The following MGAT4C variants were observed in gnomAD, a reference collection of about 807,000 sequenced individuals.
The protein encoded by MGAT4C is alpha-1,3-mannosyl-glycoprotein 4-beta-N-acetylglucosaminyltransferase C.
Under a neutral mutation model 40.1 loss-of-function variants are expected in MGAT4C, and 19 were observed. The observed-to-expected ratio is 0.47, with a 90% CI of 0.33 to 0.70. MGAT4C has a LOEUF of 0.70. MGAT4C is among the 30% of genes least tolerant of loss of function. The probability of loss-of-function intolerance (pLI) is 0.02; values close to 1 mark genes in which losing one functional copy is unlikely to be tolerated. For synonymous variants in MGAT4C, 181 were observed against 187.1 expected, an observed-to-expected ratio of 0.97 and a Z score of 0.27; for missense variants, 491 against 563.2, an observed-to-expected ratio of 0.87 and a Z score of 1.30.
intron 3 of MGAT4C, among the ~76,000 whole-genome samples, chr12:86,394,616 T>TTATA (rs71076194): frequency 0.036 from 4,858 of 135,344 alleles, 144 homozygotes; most frequent in Middle Eastern, 0.13. Context: ...TATATATACT[T>TTATA]TATATATATA....
intron 2 of MGAT4C, among the ~76,000 whole-genome samples, chr12:86,663,443 G>A (rs1439387281): frequency 6.6e-6 from 1 of 151,026 alleles, no homozygotes; most frequent in African/African-American, 2.4e-5. Context: ...ATGAAGGGGA[G>A]ATGGTAACTC....
intron 2 of MGAT4C, among the ~76,000 whole-genome samples, chr12:86,493,715 T>C: frequency 6.6e-6 from 1 of 151,986 alleles, no homozygotes; most frequent in Non-Finnish European, 1.5e-5. Flanking sequence ...AGTTAATGGA[T>C]GCAGCACACC....
rs1884240972 is a variant in MGAT4C, at chr12:85,979,157, A to C, written c.*132T>G. The C allele has an allele frequency of 2.1e-5, 14 of 677,560 alleles. No individual in the cohort carries two copies. The South Asian group carries it at 3.0e-4, about 15-fold the overall frequency. 42.0% of individuals were successfully genotyped at this position (677,560 alleles called of 1,614,324 possible). A position where few individuals can be genotyped will look rare whatever the true frequency, so the allele number is the denominator to read the frequency against. Reference sequence around the variant, plus strand: ...AGTAAAATTATGTCAACAATGTATAAATGAAAACTGCCAATGTAATTAATG... The same window carrying C: ...AGTAAAATTATGTCAACAATGTATACATGAAAACTGCCAATGTAATTAATG... On this transcript the variant is annotated 3_prime_UTR_variant, in exon 5 of 5. Coordinates refer to ENST00000611864, the MANE Select transcript of MGAT4C (RefSeq NM_001351288.2).
At chr12:86,750,131 A>C (rs1341769056) in intron 1 of MGAT4C, among the ~76,000 whole-genome samples, 1 of 151,820 alleles carries the variant, frequency 6.6e-6, no homozygotes, top group Non-Finnish European at 1.5e-5. Context: ...GAGAAGAAAT[A>C]ATTTGGTTTA....
chr12:86,198,089 T>G (rs966039145), intron 1 of MGAT4C, among the ~76,000 whole-genome samples: 4 of 152,196 alleles, frequency 2.6e-5, no homozygotes, highest in Non-Finnish European at 4.4e-5. Flanking sequence ...TCATTTTAAA[T>G]CATGCATATT....
chr12:86,726,720 TA>T (rs557254277), intron 2 of MGAT4C, among the ~76,000 whole-genome samples: 3 of 152,184 alleles, frequency 2.0e-5, no homozygotes, highest in East Asian at 3.9e-4. Context: ...TTATTGTTAT[TA>T]AAAAAAGTGT....
At chr12:86,299,713 A>C (rs1953765264) in intron 4 of MGAT4C, among the ~76,000 whole-genome samples, 1 of 152,198 alleles carries the variant, frequency 6.6e-6, no homozygotes, top group Non-Finnish European at 1.5e-5. Context: ...ATTACACAAC[A>C]ATATAAAAGG....
chr12:86,772,364 G>A (rs1259659901), intron 1 of MGAT4C, among the ~76,000 whole-genome samples: 3 of 152,158 alleles, frequency 2.0e-5, no homozygotes, highest in Non-Finnish European at 4.4e-5. Context: ...CAAAATAAAC[G>A]GATGGAACAA....
At chr12:86,585,215 G>A (rs1376025757) in intron 2 of MGAT4C, among the ~76,000 whole-genome samples, 2 of 151,264 alleles carry the variant, frequency 1.3e-5, no homozygotes, top group African/African-American at 2.4e-5. Flanking sequence ...TTCTTTCCAA[G>A]TAATAGCTGC....
chr12:86,680,904 A>G (rs937065248), intron 2 of MGAT4C, among the ~76,000 whole-genome samples: 1 of 152,016 alleles, frequency 6.6e-6, no homozygotes, highest in African/African-American at 2.4e-5. Context: ...GAACAAACAA[A>G]AAGAAAACAA....
At chr12:86,711,310 C>T (rs1384156246) in intron 2 of MGAT4C, among the ~76,000 whole-genome samples, 2 of 151,954 alleles carry the variant, frequency 1.3e-5, no homozygotes, top group African/African-American at 4.8e-5. Context: ...AAGTCTGTAC[C>T]TGGCGCTCCT....
chr12:86,078,690 C>T (rs377699432), intron 1 of MGAT4C, among the ~76,000 whole-genome samples: 1 of 152,138 alleles, frequency 6.6e-6, no homozygotes, highest in Non-Finnish European at 1.5e-5. Flanking sequence ...AGTGGAAGTC[C>T]GTGTTGCTGG....
intron 3 of MGAT4C, among the ~76,000 whole-genome samples, chr12:85,987,974 T>A (rs930196136): frequency 6.6e-6 from 1 of 152,226 alleles, no homozygotes; most frequent in Non-Finnish European, 1.5e-5. Context: ...TTACAATCTT[T>A]CATTATCTTA....
At position 86,261,513 on chromosome 12, in the gene MGAT4C, G is replaced by T. The variant is rs530696653; in HGVS notation, c.-57+72552C>A. Among the ~76,000 whole-genome samples the T allele has an allele frequency of 2.0e-5, 3 of 152,144 alleles. No homozygotes were observed. The South Asian group carries it at 6.2e-4, about 32-fold the overall frequency. On this transcript the variant is annotated intron_variant, in intron 4 of 7. Transcript: ENST00000548651. Reference sequence around the variant, plus strand: ...CATTTGAATTAGTAAAAAAACATCAGCAAGCTATTAGAAGCAATTTCCTGA... The same window carrying T: ...CATTTGAATTAGTAAAAAAACATCATCAAGCTATTAGAAGCAATTTCCTGA...
intron 1 of MGAT4C, among the ~76,000 whole-genome samples, chr12:86,770,999 A>T (rs1951623606): frequency 1.3e-5 from 2 of 152,122 alleles, no homozygotes; most frequent in South Asian, 4.1e-4. Context: ...TACAGAGATC[A>T]TTAAGTTAAA....
At chr12:86,623,978 G>T (rs973434418) in intron 2 of MGAT4C, among the ~76,000 whole-genome samples, 1 of 152,080 alleles carries the variant, frequency 6.6e-6, no homozygotes, top group Non-Finnish European at 1.5e-5. Context: ...TAAAATTCTT[G>T]TCACCAGAGA....
At chr12:86,809,970 G>A (rs563287262) in intron 1 of MGAT4C, among the ~76,000 whole-genome samples, 27 of 152,032 alleles carry the variant, frequency 1.8e-4, no homozygotes, top group African/African-American at 5.8e-4. Flanking sequence ...AATGGCATCC[G>A]TACTATATTG....
intron 4 of MGAT4C, among the ~76,000 whole-genome samples, chr12:86,293,134 T>C (rs1229719062): frequency 6.6e-6 from 1 of 152,222 alleles, no homozygotes; most frequent in Non-Finnish European, 1.5e-5. Context: ...GTTCAATTTT[T>C]AAATTTGAAG....
chr12:86,689,160 C>T (rs1015553998), intron 2 of MGAT4C, among the ~76,000 whole-genome samples: 28 of 152,130 alleles, frequency 1.8e-4, no homozygotes, highest in Non-Finnish European at 2.5e-4. Flanking sequence ...GTATACTTCA[C>T]GAAGTTCTCA....
Sources: allele counts gnomAD v4.1 joint callset (sites outside exome capture counted in the v4.1 genomes callset), GRCh38; gene constraint gnomAD v4.1.1; transcripts MANE v1.5; gene names NCBI Gene and HGNC (gene_info 2026-07-23, HGNC 2026-07-21).